The following UNC79 variants were observed in gnomAD, a reference collection of about 807,000 sequenced individuals.
UNC79 encodes the protein protein unc-79 homolog.
UNC79 carries 37 observed loss-of-function variants against 283.1 expected under a neutral mutation model. The observed-to-expected ratio is 0.13, with a 90% confidence interval of 0.10 to 0.17. UNC79 has a LOEUF of 0.17. Ranked by LOEUF, UNC79 falls within the 10% of genes least tolerant of loss-of-function variation. The probability of loss-of-function intolerance (pLI) is 1.00; values close to 1 mark genes in which losing one functional copy is unlikely to be tolerated. For missense variants in UNC79, 2,272 were observed against 3,211.1 expected, an observed-to-expected ratio of 0.71 and a Z score of 7.07; for synonymous variants, 1,107 against 1,200.2, an observed-to-expected ratio of 0.92 and a Z score of 1.61.
intron 14 of UNC79, 92 bp from the exon 15 acceptor site, chr14:93,571,802 T>G: frequency 7.3e-7 from 1 of 1,365,392 alleles, no homozygotes; most frequent in South Asian, 1.4e-5. Flanking sequence ...ATTGTGGCCT[T>G]TCTCTGTACC....
Position 93,382,138 on chromosome 14 carries a change from C to T in UNC79, c.-351+48615C>T, listed in dbSNP as rs186906484. On this transcript the variant is annotated intron_variant, in intron 1 of 49. Coordinates refer to the UNC79 transcript ENST00000256339. ...ATTTATCTTCTGGTTCCTAATAATA[C>T]AAGGTATGTAATAGATGTGCCTCTG... is the stretch of plus-strand genomic sequence containing the variant. 6.6e-5 allele frequency among the ~76,000 whole-genome samples: 10 copies of T among 152,242 alleles called. No individual in the cohort carries two copies. The East Asian group carries it at 1.7e-3, about 26-fold the overall frequency.
At chr14:93,352,250 T>C (rs539442300) in intron 1 of UNC79, among the ~76,000 whole-genome samples, 22 of 152,316 alleles carry the variant, frequency 1.4e-4, no homozygotes, top group Admixed American at 7.8e-4. Context: ...TTGTATTCAG[T>C]GAGACCTTAC....
At chr14:93,599,213 C>T (rs752239684) in intron 24 of UNC79, among the ~76,000 whole-genome samples, 5 of 152,208 alleles carry the variant, frequency 3.3e-5, no homozygotes, top group Non-Finnish European at 5.9e-5. Context: ...ATTTAATCCT[C>T]ACAGTTACCT....
chr14:93,529,525 C>T (rs141424585), intron 10 of UNC79, among the ~76,000 whole-genome samples, 199 bp downstream of exon 10: 1 of 152,284 alleles, frequency 6.6e-6, no homozygotes, highest in African/African-American at 2.4e-5. Flanking sequence ...GAAGTAGTAT[C>T]ATCCCTACCA....
intron 1 of UNC79, among the ~76,000 whole-genome samples, chr14:93,410,314 T>C (rs941486172): frequency 3.3e-5 from 5 of 152,222 alleles, no homozygotes; most frequent in Non-Finnish European, 5.9e-5. Flanking sequence ...GTCTGAACTT[T>C]AGTTCTGGCA....
At chr14:93,580,186 A>G (rs2063713843) in exon 19 of UNC79, 2 of 1,613,946 alleles carry the variant, frequency 1.2e-6, no homozygotes, top group Non-Finnish European at 1.7e-6. Context: ...ATGGGTTTAG[A>G]GCACAGCTTA....
At chr14:93,645,138 G>T (rs758515561) in intron 34 of UNC79, among the ~76,000 whole-genome samples, 1 of 152,062 alleles carries the variant, frequency 6.6e-6, no homozygotes, top group Non-Finnish European at 1.5e-5. Context: ...TTATTGTTCT[G>T]GTCTGTTATC....
At position 93,347,817 on chromosome 14, in the gene UNC79, G is replaced by A. The variant is rs2053894056; in HGVS notation, c.-351+14294G>A. 2.0e-5 allele frequency among the ~76,000 whole-genome samples: 3 copies of A among 151,748 alleles called. No homozygotes were observed. In the South Asian group the frequency reaches 6.2e-4, roughly 32 times the overall value. On this transcript the variant is annotated intron_variant, in intron 1 of 49. Transcript: ENST00000256339. ...ATCGAAGTTCCAGAGTGCGAAGGTT[G>A]GAACCGGAGACCCCTTAGATGAAAA...
At chr14:93,569,440 A>G (rs1194906123) in intron 14 of UNC79, among the ~76,000 whole-genome samples, 2 of 151,904 alleles carry the variant, frequency 1.3e-5, no homozygotes, top group Non-Finnish European at 2.9e-5. Context: ...CCATCTCCAA[A>G]AAAAATAAAA....
At chr14:93,592,658 A>G (rs2064779468) in intron 22 of UNC79, among the ~76,000 whole-genome samples, 1 of 152,194 alleles carries the variant, frequency 6.6e-6, no homozygotes, top group Admixed American at 6.5e-5. Context: ...TGATTCTGAT[A>G]TTGACTCTGG....
chr14:93,600,500 C>A, intron 24 of UNC79, 69 bp from the exon 25 acceptor site: 1 of 1,219,692 alleles, frequency 8.2e-7, no homozygotes, highest in Non-Finnish European at 1.1e-6. Flanking sequence ...AGTATATCGG[C>A]TTTGAAGTAA....
intron 39 of UNC79, among the ~76,000 whole-genome samples, chr14:93,662,227 C>A (rs1007334104): frequency 2.0e-5 from 3 of 152,134 alleles, no homozygotes; most frequent in African/African-American, 4.8e-5. Context: ...GCTTCCAGAT[C>A]TGAATATGAT....
chr14:93,529,496 C>T (rs1256176500), intron 10 of UNC79, among the ~76,000 whole-genome samples, 170 bp downstream of exon 10: 1 of 152,052 alleles, frequency 6.6e-6, no homozygotes, highest in Non-Finnish European at 1.5e-5. Context: ...ATAATGTACC[C>T]ACACATTTAA....
chr14:93,652,735 C>G (rs922725530), intron 35 of UNC79, among the ~76,000 whole-genome samples: 4 of 152,198 alleles, frequency 2.6e-5, no homozygotes, highest in African/African-American at 9.6e-5. Context: ...CATGACCCTA[C>G]TTGGTCTTTT....
chr14:93,623,927 T>G (rs2067338640), intron 30 of UNC79, among the ~76,000 whole-genome samples: 1 of 152,108 alleles, frequency 6.6e-6, no homozygotes, highest in Non-Finnish European at 1.5e-5. Flanking sequence ...TAATGGGACT[T>G]TAGAAGAAAT....
At chr14:93,470,657 G>T (rs1398615218) in intron 2 of UNC79, among the ~76,000 whole-genome samples, 1 of 152,178 alleles carries the variant, frequency 6.6e-6, no homozygotes, top group Non-Finnish European at 1.5e-5. Flanking sequence ...TTAATCTAGT[G>T]GTGACCTGGG....
chr14:93,568,756 T>C (rs1342060572), intron 14 of UNC79, among the ~76,000 whole-genome samples: 1 of 152,218 alleles, frequency 6.6e-6, no homozygotes, highest in African/African-American at 2.4e-5. Context: ...CTTTTTCATC[T>C]TTGCCTCACT....
At chr14:93,411,358 G>T (rs932619956) in intron 1 of UNC79, among the ~76,000 whole-genome samples, 1 of 152,218 alleles carries the variant, frequency 6.6e-6, no homozygotes, top group Non-Finnish European at 1.5e-5. Context: ...ACCCACCCAG[G>T]ACCTGGGGGA....
chr14:93,522,592 G>A (rs117673242), intron 7 of UNC79, among the ~76,000 whole-genome samples: 2,134 of 152,136 alleles, frequency 0.014, 22 homozygotes, highest in Middle Eastern at 0.037. Context: ...TATTCAGCTT[G>A]ACTTTACCAT....
Sources: allele counts gnomAD v4.1 joint callset (sites outside exome capture counted in the v4.1 genomes callset), GRCh38; gene constraint gnomAD v4.1.1; transcripts MANE v1.5; gene names NCBI Gene and HGNC (gene_info 2026-07-23, HGNC 2026-07-21).